LY75: variants seen among roughly 807,000 people sequenced by gnomAD.
LY75 encodes the protein C-type lectin domain family 13 member B.
Under a neutral mutation model 231.7 loss-of-function variants are expected in LY75, and 185 were observed. The observed-to-expected ratio is 0.80, with a 90% CI of 0.71 to 0.90. The LOEUF is 0.90. LY75 is among the 40% of genes least tolerant of loss of function. LY75 has a pLI of 0.00. For missense variants in LY75, 1,947 were observed against 2,050.2 expected (o/e 0.95, Z 0.97); for synonymous variants, 668 against 689.0 (o/e 0.97, Z 0.48).
intron 34 of LY75, among the ~76,000 whole-genome samples, chr2:159,806,688 G>T (rs1254275409): frequency 6.6e-6 from 1 of 152,036 alleles, no homozygotes; most frequent in Non-Finnish European, 1.5e-5. Context: ...TACATCTCAA[G>T]AACATTTTAA....
intron 29 of LY75, among the ~76,000 whole-genome samples, chr2:159,818,097 A>G (rs978258475): frequency 5.3e-5 from 8 of 152,206 alleles, no homozygotes; most frequent in Middle Eastern, 3.4e-3. Flanking sequence ...TAAAAATTGG[A>G]GAAAATAGAC....
chr2:159,868,017 G>A (rs1560089890), intron 13 of LY75, among the ~76,000 whole-genome samples: 1 of 152,162 alleles, frequency 6.6e-6, no homozygotes, highest in South Asian at 2.1e-4. Context: ...GTCAATTCCT[G>A]CAATAAAAAG....
chr2:159,882,420 G>A, intron 6 of LY75, 105 bp from the exon 7 acceptor site: 1 of 1,459,464 alleles, frequency 6.9e-7, no homozygotes, highest in Non-Finnish European at 9.1e-7. Context: ...TGGAAAACTG[G>A]GGACGTGATG....
At chr2:159,824,430 T>C (rs1226329751) in intron 28 of LY75, among the ~76,000 whole-genome samples, 2 of 152,186 alleles carry the variant, frequency 1.3e-5, no homozygotes, top group African/African-American at 4.8e-5. Context: ...ATCCAAAACA[T>C]ATATGCACCC....
intron 2 of LY75, among the ~76,000 whole-genome samples, chr2:159,898,011 C>A (rs1685950260): frequency 6.6e-6 from 1 of 152,192 alleles, no homozygotes; most frequent in Non-Finnish European, 1.5e-5. Flanking sequence ...GGTTGCCATG[C>A]AAAAATGAAA....
At chr2:159,887,903 A>C (rs1685642310) in intron 4 of LY75, among the ~76,000 whole-genome samples, 1 of 152,162 alleles carries the variant, frequency 6.6e-6, no homozygotes, top group Non-Finnish European at 1.5e-5. Flanking sequence ...TTTCTCCTTC[A>C]CTGAAGTCAT....
chr2:159,814,254 T>G (rs1353643195), intron 31 of LY75, among the ~76,000 whole-genome samples: 1 of 152,206 alleles, frequency 6.6e-6, no homozygotes, highest in Non-Finnish European at 1.5e-5. Context: ...AAGTCCAGCC[T>G]CTAATGGAAG....
At chr2:159,895,937 T>G (rs10192293) in intron 2 of LY75, among the ~76,000 whole-genome samples, 27,437 of 152,248 alleles carry the variant, frequency 0.18, 3,181 homozygotes, top group South Asian at 0.46. Context: ...CAAGACAGAC[T>G]TTCCTGGGAA....
chr2:159,850,448 G>T lies in LY75; in HGVS notation c.2903C>A (p.Pro968His). 1 of 1,613,416 alleles carries T rather than the reference G, an allele frequency of 6.2e-7. No individual in the cohort carries two copies. The highest frequency in any genetic ancestry group is 1.1e-5 in the South Asian group (1 of 91,060). Residue 968 changes from proline (P) to histidine (H), a missense_variant, in exon 22 of 35, where the codon CCC (proline) becomes CAC (histidine). Physicochemically the swap from Pro to His is moderately conservative, Grantham distance 77. Coordinates refer to ENST00000263636, the MANE Select transcript of LY75 (RefSeq NM_002349.4). ...TGCTTGAGAAAATGTGAGAGACACG[G>T]GTTTGATCTTTAGAAAACACTGCAA... is the stretch of plus-strand genomic sequence containing the variant. ...FQNKCFLKIK[P>H]VSLTFSQASD...
chr2:159,869,272 C>T (rs973350507), intron 13 of LY75, among the ~76,000 whole-genome samples: 2 of 150,432 alleles, frequency 1.3e-5, no homozygotes, highest in African/African-American at 2.5e-5. Flanking sequence ...ATGTTGTGCA[C>T]ATGTACCCTA....
chr2:159,893,321 C>T (rs1685815192), intron 3 of LY75, among the ~76,000 whole-genome samples: 1 of 152,216 alleles, frequency 6.6e-6, no homozygotes, highest in Non-Finnish European at 1.5e-5. Flanking sequence ...CCAATCCACT[C>T]TTCGGTTTCT....
At chr2:159,875,325 C>T in intron 12 of LY75, 119 bp downstream of exon 12, 2 of 1,381,884 alleles carry the variant, frequency 1.4e-6, no homozygotes, top group Non-Finnish European at 1.9e-6. Flanking sequence ...CTCTGTGCTC[C>T]AGAGCACTTT....
intron 28 of LY75, among the ~76,000 whole-genome samples, chr2:159,824,147 G>T (rs184569403): frequency 2.0e-5 from 3 of 152,216 alleles, no homozygotes; most frequent in African/African-American, 7.2e-5. Context: ...TAAAACACAC[G>T]ACTGGCAAAT....
At chr2:159,847,421 C>T (rs1684237179) in intron 23 of LY75, among the ~76,000 whole-genome samples, 2 of 151,994 alleles carry the variant, frequency 1.3e-5, no homozygotes, top group African/African-American at 4.8e-5. Context: ...AGACTTGAAC[C>T]CCAGGGCTTA....
At chr2:159,879,737 A>T (rs1685379149) in intron 8 of LY75, among the ~76,000 whole-genome samples, 1 of 152,190 alleles carries the variant, frequency 6.6e-6, no homozygotes, top group African/African-American at 2.4e-5. Context: ...TTTTAGGTAC[A>T]TCATCAACCT....
chr2:159,879,202 T>C lies in LY75; in HGVS notation c.1515+57A>G, dbSNP rs1292483705. On this transcript the variant is annotated intron_variant, in intron 9 of 34. Transcript: ENST00000263636. The stretch of plus-strand genomic sequence containing the variant: ...GAGTTATTTAAGTCTCAGCTACCAT[T>C]TCTAACCAAGAAGTTGTAATACTGC... 3.2e-6 allele frequency: 5 copies of C among 1,572,762 alleles called. No individual in the cohort carries two copies. The African/African-American group carries it at 4.1e-5, about 13-fold the overall frequency.
At chr2:159,831,917 CAT>C (rs1391572206) in intron 27 of LY75, 131 bp from the exon 28 acceptor site, 9 of 697,824 alleles carry the variant, frequency 1.3e-5, no homozygotes, top group Admixed American at 3.8e-5. Flanking sequence ...CAATTAGAAA[CAT>C]ATGTAAAATA....
chr2:159,890,345 C>G lies in LY75; in HGVS notation c.670G>C (p.Glu224Gln). The G allele has an allele frequency of 6.2e-7, 1 of 1,613,246 alleles. No individual in the cohort carries two copies. The highest frequency in any genetic ancestry group is 8.5e-7 in the Non-Finnish European group (1 of 1,179,596). Reference sequence around the variant, plus strand: ...AATTGGTAGCAACTTCCAAACTGCTCGTTCTTTTCCCAATTATCTTCACAA... The same window carrying G: ...AATTGGTAGCAACTTCCAAACTGCTGGTTCTTTTCCCAATTATCTTCACAA... ...NGCEDNWEKN[E>Q]QFGSCYQFNT... Residue 224 changes from glutamate (E) to glutamine (Q), a missense_variant, in exon 4 of 35, where the codon GAG becomes CAG. Glu to Gln is a conservative substitution (Grantham distance 29). Transcript: ENST00000263636.
At chr2:159,848,091 T>TACACACACACACACACACACACACAC (rs1427865594) in intron 23 of LY75, among the ~76,000 whole-genome samples, 3 of 8,290 alleles carry the variant, frequency 3.6e-4, no homozygotes, top group South Asian at 3.4e-3. Context: ...TATATATATA[T>TACACACACACACACACACACACACAC]ATACACACAC....
Sources: allele counts gnomAD v4.1 joint callset (sites outside exome capture counted in the v4.1 genomes callset), GRCh38; gene constraint gnomAD v4.1.1; transcripts MANE v1.5; gene names NCBI Gene and HGNC (gene_info 2026-07-23, HGNC 2026-07-21).